Variants in CXXC5 observed in about 807,000 individuals in gnomAD.
The protein encoded by CXXC5 is CXXC-type zinc finger protein 5.
CXXC5 carries 2 observed loss-of-function variants against 17.6 expected under a neutral mutation model. The ratio of observed to expected loss-of-function variants is 0.11; its 90% CI spans 0.05 to 0.36. The LOEUF (loss-of-function observed/expected upper bound fraction) is 0.36. Ranked by LOEUF, CXXC5 falls within the 10% of genes least tolerant of loss-of-function variation. The pLI, the probability that CXXC5 is intolerant of heterozygous loss-of-function variation, is 1.00. For synonymous variants in CXXC5, 171 were observed against 193.0 expected, an observed-to-expected ratio of 0.89 and a Z score of 0.94; for missense variants, 343 against 458.3, an observed-to-expected ratio of 0.75 and a Z score of 2.30.
chr5:139,657,555 C>T (rs1422758706), intron 1 of CXXC5, among the ~76,000 whole-genome samples: 1 of 152,160 alleles, frequency 6.6e-6, no homozygotes, highest in Non-Finnish European at 1.5e-5. Context: ...AACAGGCTGG[C>T]AGGTGGAGAC....
chr5:139,649,953 G>A (rs971958069), intron 1 of CXXC5, among the ~76,000 whole-genome samples: 3 of 152,252 alleles, frequency 2.0e-5, no homozygotes, highest in African/African-American at 7.2e-5. Flanking sequence ...GGGAGCGCGG[G>A]GTGCGCCTGG....
Position 139,680,788 on chromosome 5 carries a change from G to A in CXXC5, c.265G>A (p.Gly89Ser). The A allele has an allele frequency of 6.2e-7, 1 of 1,613,434 alleles. No individual in the cohort carries two copies. The highest frequency in any genetic ancestry group is 8.5e-7 in the Non-Finnish European group (1 of 1,180,038). ...LSHYSSFGSSGGSGGGSMMGG... is the reference protein window; with the variant it reads ...LSHYSSFGSSSGSGGGSMMGG... ...CCACTACTCTTCTTTTGGCAGCAGTGGTGGTAGTGGCGGTGGCAGCATGAT... is the reference window on the plus strand; with the variant it reads ...CCACTACTCTTCTTTTGGCAGCAGTAGTGGTAGTGGCGGTGGCAGCATGAT... Residue 89 changes from glycine (G) to serine (S), a missense_variant, in exon 2 of 3, where the codon GGT becomes AGT. By Grantham distance (56) the Gly-to-Ser change is moderately conservative. Coordinates refer to ENST00000302517, the MANE Select transcript of CXXC5 (RefSeq NM_016463.9).
In CXXC5 at chr5:139,668,292, C is replaced by A. The variant is rs1321731613; in HGVS notation, c.-160-12072C>A. Among the ~76,000 whole-genome samples the A allele has an allele frequency of 6.6e-6, 1 of 152,130 alleles. No homozygotes were observed. Among genetic ancestry groups the A allele is most frequent in the Admixed American group, 6.5e-5 (1 of 15,282 alleles). ...GAGGCCAGCCTTCTCGGTGCGGAAT[C>A]TCCTTGGCCCAGGCCTTCCCAGGCT... is the stretch of plus-strand genomic sequence containing the variant. On this transcript the variant is annotated intron_variant, in intron 1 of 2. Transcript: ENST00000302517. The surrounding 1 kb of genome is among the most constrained non-coding windows in gnomAD (Gnocchi z 4.1).
rs1471215381 is a variant in CXXC5 at position 139,658,055 on chromosome 5, C to T, written c.-161+9210C>T. Among the ~76,000 whole-genome samples, 1 of 152,168 alleles carries T rather than the reference C, an allele frequency of 6.6e-6. No homozygotes were observed. The highest frequency in any genetic ancestry group is 1.5e-5 in the Non-Finnish European group (1 of 68,026). Reference sequence around the variant, plus strand: ...CCAGCTTCTCTCCAGGCCAGGGGCTCCCGACAGCTTCATGCCAGTTCCTGT... The same window carrying T: ...CCAGCTTCTCTCCAGGCCAGGGGCTTCCGACAGCTTCATGCCAGTTCCTGT... On this transcript the variant is annotated intron_variant, in intron 1 of 2. Transcript: ENST00000302517. This position sits in a 1 kb window ranked among gnomAD's most constrained non-coding sequence, Gnocchi z 4.1.
At position 139,680,435 on chromosome 5, in the gene CXXC5, G is replaced by C. The variant is rs1031323483; in HGVS notation, c.-89G>C. Reference sequence around the variant, plus strand: ...GCAGCGAGGCCCACCAGGCATCTCTGTTGTGGGCAGCAGGGCCAGGTCCTG... The same window carrying C: ...GCAGCGAGGCCCACCAGGCATCTCTCTTGTGGGCAGCAGGGCCAGGTCCTG... On this transcript the variant is annotated 5_prime_UTR_variant, in exon 2 of 3. Transcript: ENST00000302517. 6.8e-7 allele frequency: 1 copy of C among 1,467,642 alleles called. No individual in the cohort carries two copies. The highest frequency in any genetic ancestry group is 1.4e-5 in the African/African-American group (1 of 71,230). The allele number at this position is 1,467,642 out of a possible 1,614,324, so 90.9% of individuals were successfully genotyped here. A position where few individuals can be genotyped will look rare whatever the true frequency, so the allele number is the denominator to read the frequency against.
chr5:139,675,944 C>T (rs1337591044), intron 1 of CXXC5, among the ~76,000 whole-genome samples: 1 of 152,006 alleles, frequency 6.6e-6, no homozygotes, highest in Non-Finnish European at 1.5e-5. Flanking sequence ...CCTTCTGGGG[C>T]TGGCCAGAGC....
chr5:139,650,214 C>G (rs984693724), intron 1 of CXXC5, among the ~76,000 whole-genome samples: 1 of 152,178 alleles, frequency 6.6e-6, no homozygotes, highest in African/African-American at 2.4e-5. Context: ...TGAAGTCTCC[C>G]GCGACGGGGG....
At chr5:139,665,782 T>C (rs1420841554) in intron 1 of CXXC5, 1 of 152,302 alleles carries the variant, frequency 6.6e-6, no homozygotes, top group Non-Finnish European at 1.5e-5. Flanking sequence ...CCCGGTGACC[T>C]GGCTGGGCAG....
Position 139,682,879 on chromosome 5 carries a change from CG to C in CXXC5, c.944del (p.Gly315GlufsTer72). On this transcript the variant is annotated frameshift_variant, in exon 3 of 3. Coordinates refer to ENST00000302517, the MANE Select transcript of CXXC5 (RefSeq NM_016463.9). LOFTEE classifies it high-confidence loss of function. ...CCCCGCCAGAAGGTGATGCTTCCGA[CG>C]GGAGCCGCCTTCCGGTGGTTTCAGT... ...SAALEKVMLP[T>X]GAAFRWFQ 1 of 1,594,420 alleles carries C rather than the reference CG, an allele frequency of 6.3e-7. No homozygotes were observed. Among genetic ancestry groups the C allele is most frequent in the Non-Finnish European group, 8.5e-7 (1 of 1,170,338 alleles).
At chr5:139,662,588 C>T (rs1755882236) in intron 1 of CXXC5, among the ~76,000 whole-genome samples, 1 of 152,184 alleles carries the variant, frequency 6.6e-6, no homozygotes, top group African/African-American at 2.4e-5. Flanking sequence ...GGTCAAAGGG[C>T]ATGTGGCTAT....
intron 1 of CXXC5, among the ~76,000 whole-genome samples, chr5:139,676,517 CCTT>C (rs1179495840): frequency 6.1e-5 from 3 of 49,268 alleles, no homozygotes; most frequent in Admixed American, 2.5e-4. Flanking sequence ...CCTCCTCAGT[CCTT>C]CTCCCCAGTG....
At chr5:139,679,083 G>C (rs949830437) in intron 1 of CXXC5, among the ~76,000 whole-genome samples, 4 of 152,198 alleles carry the variant, frequency 2.6e-5, no homozygotes, top group African/African-American at 9.7e-5. Flanking sequence ...CTCCTGCTGG[G>C]CTCCATTCCC....
Position 139,681,017 on chromosome 5 carries a change from T to G in CXXC5, c.494T>G (p.Phe165Cys). 6.2e-7 allele frequency: 1 copy of G among 1,607,062 alleles called. No homozygotes were observed. Among genetic ancestry groups the G allele is most frequent in the Non-Finnish European group, 8.5e-7 (1 of 1,179,944 alleles). Reference protein sequence around the residue: ...AAEGQLTLQQFAQSTEMLKRV... With the variant: ...AAEGQLTLQQCAQSTEMLKRV... ...GAGGGACAGCTGACGCTGCAGCAGTTTGCGCAGTCCACAGAGATGCTGAAG... is the reference window on the plus strand; with the variant it reads ...GAGGGACAGCTGACGCTGCAGCAGTGTGCGCAGTCCACAGAGATGCTGAAG... Residue 165 changes from phenylalanine (F) to cysteine (C), a missense_variant, in exon 2 of 3, where the codon TTT becomes TGT. Transcript: ENST00000302517.
At chr5:139,656,860 G>T (rs557435259) in intron 1 of CXXC5, among the ~76,000 whole-genome samples, 1 of 152,294 alleles carries the variant, frequency 6.6e-6, no homozygotes, top group East Asian at 1.9e-4. Flanking sequence ...GAGTAGCTGG[G>T]ATTACAGGTG....
intron 1 of CXXC5, among the ~76,000 whole-genome samples, chr5:139,653,699 C>T (rs1015439905): frequency 2.0e-5 from 3 of 152,186 alleles, no homozygotes; most frequent in Admixed American, 6.5e-5. Context: ...GGCCAAGTCA[C>T]CTGGGCCAGG....
At chr5:139,651,409 G>A (rs1216775853) in intron 1 of CXXC5, among the ~76,000 whole-genome samples, 1 of 151,968 alleles carries the variant, frequency 6.6e-6, no homozygotes, top group Non-Finnish European at 1.5e-5. Flanking sequence ...GGGGTGGGTG[G>A]GGGAAGGGGA....
At chr5:139,656,423 C>T (rs932592629) in intron 1 of CXXC5, among the ~76,000 whole-genome samples, 15 of 152,168 alleles carry the variant, frequency 9.9e-5, no homozygotes, top group East Asian at 3.9e-4. Context: ...CACATATGTA[C>T]GTGTAACACA....
intron 1 of CXXC5, among the ~76,000 whole-genome samples, chr5:139,649,922 G>A (rs1167861184): frequency 1.1e-4 from 16 of 152,210 alleles, no homozygotes; most frequent in Admixed American, 9.2e-4. Context: ...GTCCTCGCCC[G>A]GAATGGGCTG....
At chr5:139,674,029 G>A (rs1312078684) in intron 1 of CXXC5, among the ~76,000 whole-genome samples, 3 of 152,086 alleles carry the variant, frequency 2.0e-5, no homozygotes, top group Non-Finnish European at 4.4e-5. Context: ...CAGTCTTGGG[G>A]TGACTCTAGT....
Sources: allele counts gnomAD v4.1 joint callset (sites outside exome capture counted in the v4.1 genomes callset), GRCh38; gene constraint gnomAD v4.1.1; non-coding constraint Gnocchi (gnomAD v3.1); transcripts MANE v1.5; gene names NCBI Gene and HGNC (gene_info 2026-07-23, HGNC 2026-07-21).